Variants in SBF2 observed in about 807,000 individuals in gnomAD.
The protein encoded by SBF2 is myotubularin-related protein 13.
Under a neutral mutation model 225.2 loss-of-function variants are expected in SBF2, and 112 were observed. That is an observed-to-expected ratio of 0.50 (90% CI 0.43 to 0.58). SBF2 has a LOEUF of 0.58. Ranked by LOEUF, SBF2 falls within the 20% of genes least tolerant of loss-of-function variation. SBF2 has a pLI of 0.00. For synonymous variants in SBF2, 763 were observed against 773.3 expected, an observed-to-expected ratio of 0.99 and a Z score of 0.22; for missense variants, 1,996 against 2,206.2, an observed-to-expected ratio of 0.90 and a Z score of 1.91.
intron 6 of SBF2, among the ~76,000 whole-genome samples, chr11:10,015,866 G>A (rs888348556): frequency 6.6e-6 from 1 of 151,872 alleles, no homozygotes; most frequent in Non-Finnish European, 1.5e-5. Flanking sequence ...GCAATGGCAC[G>A]ATTTCGGCTC....
At position 9,785,184 on chromosome 11, in the gene SBF2, T is replaced by C. The variant is rs767246045; in HGVS notation, c.5172A>G (p.Gly1724=). ...AGAGCGTGGCTGCTCTTCGCTCCAC[T>C]CCATTGGATGGGGAGATGCTGGAAT... The part of the protein sequence containing the change: ...EQNSSISPSN[G]VERRAATLYS... Residue 1724 remains glycine, a synonymous_variant, in exon 37 of 40, where the codon GGA becomes GGG. Coordinates refer to ENST00000256190, the MANE Select transcript of SBF2 (RefSeq NM_030962.4). 6 of 1,614,058 alleles carry C rather than the reference T, an allele frequency of 3.7e-6. No individual in the cohort carries two copies. Among genetic ancestry groups the C allele is most frequent in the Non-Finnish European group, 5.1e-6 (6 of 1,180,016 alleles).
At chr11:10,082,756 A>T (rs1333085115) in intron 2 of SBF2, among the ~76,000 whole-genome samples, 1 of 152,162 alleles carries the variant, frequency 6.6e-6, no homozygotes. Flanking sequence ...AAGCCATATA[A>T]AACAAACCCA....
intron 1 of SBF2, among the ~76,000 whole-genome samples, chr11:10,257,162 T>C (rs543366319): frequency 6.6e-5 from 10 of 152,276 alleles, no homozygotes; most frequent in African/African-American, 2.4e-4. Context: ...TCAAACTCTA[T>C]CTCTGTGATG....
chr11:10,150,953 G>T (rs1185795093), intron 2 of SBF2, among the ~76,000 whole-genome samples: 1 of 152,092 alleles, frequency 6.6e-6, no homozygotes, highest in African/African-American at 2.4e-5. Context: ...AATCACATAT[G>T]ACTTAAACCT....
chr11:9,961,740 C>G (rs559824274), intron 16 of SBF2: 1 of 477,148 alleles, frequency 2.1e-6, no homozygotes, highest in East Asian at 3.6e-5. Flanking sequence ...GTAAAATAAT[C>G]TAGCATTTTC....
intron 2 of SBF2, among the ~76,000 whole-genome samples, chr11:10,119,076 GA>G (rs919626402): frequency 6.6e-6 from 1 of 151,688 alleles, no homozygotes; most frequent in African/African-American, 2.4e-5. Flanking sequence ...AACAATGTTT[GA>G]AAAAAACAGT....
At chr11:10,061,494 G>T (rs1336168484) in intron 2 of SBF2, among the ~76,000 whole-genome samples, 1 of 152,124 alleles carries the variant, frequency 6.6e-6, no homozygotes, top group Non-Finnish European at 1.5e-5. Flanking sequence ...CAGCAAAGTT[G>T]CAGGATACAA....
intron 17 of SBF2, among the ~76,000 whole-genome samples, chr11:9,881,124 T>G (rs1859730767): frequency 6.6e-6 from 1 of 152,226 alleles, no homozygotes; most frequent in Non-Finnish European, 1.5e-5. Context: ...AAGGCATTTT[T>G]GGATATAGAA....
intron 2 of SBF2, among the ~76,000 whole-genome samples, chr11:10,182,732 C>A (rs1352053097): frequency 6.7e-6 from 1 of 148,726 alleles, no homozygotes; most frequent in African/African-American, 2.5e-5. Flanking sequence ...TTTTCTATGT[C>A]TTTTTGTTGT....
At chr11:10,117,778 T>A (rs1953221610) in intron 2 of SBF2, among the ~76,000 whole-genome samples, 1 of 151,904 alleles carries the variant, frequency 6.6e-6, no homozygotes, top group Admixed American at 6.5e-5. Context: ...GTTGGGTTTT[T>A]TTTTTTTCTG....
chr11:9,779,609 G>C lies in SBF2; in HGVS notation c.*809C>G, dbSNP rs1851894585. On this transcript the variant is annotated 3_prime_UTR_variant, in exon 40 of 40. Coordinates refer to ENST00000256190, the MANE Select transcript of SBF2 (RefSeq NM_030962.4). ...TCACTTCATTGGGAATTCAGTGCAA[G>C]TGTTTGTTTTGTGAGTTAGTGCATT... 1 of 152,894 alleles carries C rather than the reference G, an allele frequency of 6.5e-6. No homozygotes were observed. The highest frequency in any genetic ancestry group is 1.5e-5 in the Non-Finnish European group (1 of 68,252). 9.5% of individuals were successfully genotyped at this position (152,894 alleles called of 1,614,324 possible).
At chr11:10,114,891 T>G (rs754716239) in intron 2 of SBF2, among the ~76,000 whole-genome samples, 5 of 152,210 alleles carry the variant, frequency 3.3e-5, no homozygotes, top group Non-Finnish European at 5.9e-5. Context: ...CCTGTAACCA[T>G]CAGCAAAGGT....
chr11:10,265,501 G>T (rs1961895642), intron 1 of SBF2, among the ~76,000 whole-genome samples: 1 of 106,802 alleles, frequency 9.4e-6, no homozygotes, highest in Non-Finnish European at 1.8e-5. Flanking sequence ...ATCGGGGGGG[G>T]GGAGAGGTGG....
chr11:10,234,936 C>T (rs915831074), intron 1 of SBF2, among the ~76,000 whole-genome samples: 1 of 152,148 alleles, frequency 6.6e-6, no homozygotes, highest in African/African-American at 2.4e-5. Flanking sequence ...AGACATGGCA[C>T]ATCAATTTGT....
intron 2 of SBF2, among the ~76,000 whole-genome samples, chr11:10,122,757 A>C (rs1413451739): frequency 6.6e-6 from 1 of 152,228 alleles, no homozygotes; most frequent in Non-Finnish European, 1.5e-5. Flanking sequence ...AGATGGAGAC[A>C]CGGGAGTCTC....
intron 16 of SBF2, among the ~76,000 whole-genome samples, chr11:9,901,714 C>T (rs1197724959): frequency 1.1e-4 from 17 of 152,156 alleles, no homozygotes; most frequent in South Asian, 8.3e-4. Context: ...GTGCAGTGTG[C>T]GCTCACTGCA....
chr11:9,781,075 G>C (rs1851974124), intron 39 of SBF2, among the ~76,000 whole-genome samples: 1 of 152,298 alleles, frequency 6.6e-6, no homozygotes, highest in African/African-American at 2.4e-5. Context: ...GGCCTATAAA[G>C]TGCCCCATGG....
intron 1 of SBF2, among the ~76,000 whole-genome samples, chr11:10,204,450 C>A (rs899279676): frequency 1.3e-5 from 2 of 151,868 alleles, no homozygotes; most frequent in Non-Finnish European, 2.9e-5. Context: ...ACCATCCTGG[C>A]CAACATGGTG....
intron 16 of SBF2, chr11:9,958,994 C>T (rs1866381785): frequency 1.1e-6 from 1 of 884,650 alleles, no homozygotes; most frequent in Non-Finnish European, 1.8e-6. Context: ...TTCTTGATGG[C>T]CTCCTCAATG....
Sources: allele counts gnomAD v4.1 joint callset (sites outside exome capture counted in the v4.1 genomes callset), GRCh38; gene constraint gnomAD v4.1.1; transcripts MANE v1.5; gene names NCBI Gene and HGNC (gene_info 2026-07-23, HGNC 2026-07-21).